R3HCC1: variants seen among roughly 807,000 people sequenced by gnomAD.
The protein encoded by R3HCC1 is R3H and coiled-coil domain-containing protein 1.
A neutral mutation model predicts 40.0 loss-of-function variants in R3HCC1; 32 were observed. The ratio of observed to expected loss-of-function variants is 0.80; its 90% CI spans 0.60 to 1.07. R3HCC1 has a LOEUF of 1.07. Ranked by LOEUF, R3HCC1 falls within the 50% of genes least tolerant of loss-of-function variation. R3HCC1 has a pLI of 0.00. For missense variants in R3HCC1, 586 were observed against 563.3 expected, an observed-to-expected ratio of 1.04 and a Z score of -0.41; for synonymous variants, 237 against 232.8, an observed-to-expected ratio of 1.02 and a Z score of -0.17.
At chr8:23,294,572 C>T (rs373106434) in intron 6 of R3HCC1, among the ~76,000 whole-genome samples, 197 bp from the exon 7 acceptor site, 5 of 152,160 alleles carry the variant, frequency 3.3e-5, no homozygotes, top group African/African-American at 4.8e-5. Flanking sequence ...GCAGGTGTCC[C>T]TGTGCGGGCC....
At chr8:23,292,476 T>A (rs936128485) in intron 5 of R3HCC1, among the ~76,000 whole-genome samples, 2 of 151,986 alleles carry the variant, frequency 1.3e-5, no homozygotes, top group Non-Finnish European at 2.9e-5. Flanking sequence ...TAGCTGGGCG[T>A]GGTGGCAGGC....
chr8:23,293,165 C>G (rs565896006), intron 5 of R3HCC1, 138 bp from the exon 6 acceptor site: 16 of 627,258 alleles, frequency 2.6e-5, no homozygotes, highest in African/African-American at 9.3e-5. Flanking sequence ...ATGATTGTCT[C>G]CGTCCCAGAA....
chr8:23,290,494 AG>A, intron 4 of R3HCC1, 25 bp downstream of exon 4: 1 of 1,530,954 alleles, frequency 6.5e-7, no homozygotes, highest in East Asian at 2.4e-5. Flanking sequence ...GAGCCCGAAA[AG>A]GGAGGGCGGA....
Position 23,290,015 on chromosome 8 carries a change from C to CTG in R3HCC1, c.399_400dup (p.Asp134ValfsTer19). The CTG allele has an allele frequency of 6.5e-7, 1 of 1,539,652 alleles. No homozygotes were observed. ...GGCCGGTGGTATCGTGGACGCAAGCCTGACCAGCCTTTGTATGTGCCCCGG... is the reference window on the plus strand; with the variant it reads ...GGCCGGTGGTATCGTGGACGCAAGCCTGTGACCAGCCTTTGTATGTGCCCCGG... On this transcript the variant is annotated frameshift_variant, in exon 4 of 8. Coordinates refer to ENST00000265806, the MANE Select transcript of R3HCC1 (RefSeq NM_001136108.3). LOFTEE classifies it high-confidence loss of function.
chr8:23,290,535 G>A (rs756492789), intron 4 of R3HCC1, 66 bp downstream of exon 4: 150 of 1,482,312 alleles, frequency 1.0e-4, no homozygotes, highest in Non-Finnish European at 1.3e-4. Context: ...TGGGTGGATG[G>A]GGACCAAGGG....
At position 23,294,775 on chromosome 8, in the gene R3HCC1, A is replaced by G; in HGVS notation, c.1103A>G (p.Glu368Gly). Reference sequence around the variant, plus strand: ...GCCTGCTTTCTTTCCACAGCTGCGGAAGCCCTGACCCGGGAGTTCTCGGTG... The same window carrying G: ...GCCTGCTTTCTTTCCACAGCTGCGGGAGCCCTGACCCGGGAGTTCTCGGTG... Residue 368 changes from glutamate (E) to glycine (G), a missense_variant, in exon 7 of 8, where the codon GAA becomes GGA. Physicochemically the swap from Glu to Gly is moderately conservative, Grantham distance 98 (BLOSUM62 -2). Coordinates refer to ENST00000265806, the MANE Select transcript of R3HCC1 (RefSeq NM_001136108.3). The G allele has an allele frequency of 3.2e-6, 5 of 1,550,724 alleles. No individual in the cohort carries two copies. The highest frequency in any genetic ancestry group is 4.4e-6 in the Non-Finnish European group (5 of 1,146,778).
At chr8:23,293,887 GCA>G (rs1802929306) in intron 6 of R3HCC1, among the ~76,000 whole-genome samples, 1 of 152,146 alleles carries the variant, frequency 6.6e-6, no homozygotes, top group Non-Finnish European at 1.5e-5. Flanking sequence ...ACAGCTCGGG[GCA>G]CCACACTGCC....
At chr8:23,288,893 G>A in intron 2 of R3HCC1, 123 bp from the exon 3 acceptor site, 1 of 1,160,248 alleles carries the variant, frequency 8.6e-7, no homozygotes, top group South Asian at 1.5e-5. Context: ...ATCCTTTGCA[G>A]TCCATCTGGG....
chr8:23,295,946 A>G (rs1397574422), intron 7 of R3HCC1, 21 bp from the exon 8 acceptor site: 3 of 1,543,072 alleles, frequency 1.9e-6, no homozygotes, highest in African/African-American at 2.8e-5. Flanking sequence ...TTAGGTCCCC[A>G]CTGTGGGGCT....
rs189694680 is a variant in R3HCC1, at chr8:23,290,407, G to A, written c.790G>A (p.Glu264Lys). The stretch of plus-strand genomic sequence containing the variant: ...GGCAGAGGAGGAAGAGGACGAAGAG[G>A]AGGTGGAAGAGGATGGCCCCAGCAG... Residue 264 changes from glutamate (E) to lysine (K), a missense_variant, in exon 4 of 8, where the codon GAG becomes AAG. Physicochemically the swap from Glu to Lys is moderately conservative, Grantham distance 56. Transcript: ENST00000265806. 5.2e-6 allele frequency: 8 copies of A among 1,551,760 alleles called. No individual in the cohort carries two copies. In the African/African-American group the frequency reaches 1.1e-4, roughly 21 times the overall value.
chr8:23,294,944 T>C, intron 7 of R3HCC1, 80 bp downstream of exon 7: 1 of 1,061,838 alleles, frequency 9.4e-7, no homozygotes, highest in African/African-American at 1.6e-5. Context: ...TGCGTGTGTG[T>C]GTGTCTGGTT....
chr8:23,290,954 C>A, intron 4 of R3HCC1: 1 of 210,820 alleles, frequency 4.7e-6, no homozygotes, highest in Non-Finnish European at 9.6e-6. Flanking sequence ...AGAATGCAGA[C>A]CACAGACCTG....
chr8:23,290,754 C>T (rs1802850318), intron 4 of R3HCC1, among the ~76,000 whole-genome samples: 1 of 152,188 alleles, frequency 6.6e-6, no homozygotes, highest in Non-Finnish European at 1.5e-5. Flanking sequence ...ACAGCCTTCA[C>T]TAGGTCATGG....
intron 5 of R3HCC1, among the ~76,000 whole-genome samples, chr8:23,292,382 A>C (rs1426027430): frequency 6.6e-6 from 1 of 152,148 alleles, no homozygotes; most frequent in Non-Finnish European, 1.5e-5. Context: ...AGGAGGGCGG[A>C]TCATGAGGTC....
intron 7 of R3HCC1, chr8:23,295,424 C>T (rs577374674): frequency 4.4e-5 from 20 of 456,336 alleles, no homozygotes; most frequent in Middle Eastern, 3.3e-4. Context: ...ACCAGATAAC[C>T]GTTATAGCGC....
At position 23,288,651 on chromosome 8, in the gene R3HCC1, G is replaced by C; in HGVS notation, c.110+18G>C. ...CTGTCAAAGTAGGCTCATGTGAGGGGCGAGGGTGCCGCCTTGCTGGGAAGG... is the reference window on the plus strand; with the variant it reads ...CTGTCAAAGTAGGCTCATGTGAGGGCCGAGGGTGCCGCCTTGCTGGGAAGG... On this transcript the variant is annotated intron_variant, in intron 2 of 7. Transcript: ENST00000265806. The C allele has an allele frequency of 6.5e-7, 1 of 1,534,640 alleles. No homozygotes were observed. The highest frequency in any genetic ancestry group is 2.0e-5 in the Admixed American group (1 of 50,986).
chr8:23,294,043 G>A (rs540307363), intron 6 of R3HCC1, among the ~76,000 whole-genome samples: 41 of 152,296 alleles, frequency 2.7e-4, no homozygotes, highest in African/African-American at 9.6e-4. Context: ...CTGAAAACCC[G>A]AGCTGGGGCC....
At chr8:23,293,241 A>T in intron 5 of R3HCC1, 62 bp from the exon 6 acceptor site, 1 of 1,381,796 alleles carries the variant, frequency 7.2e-7, no homozygotes, top group Non-Finnish European at 1.0e-6. Context: ...TGGCTGCGGG[A>T]TTCGAAGAGG....
chr8:23,290,246 C>G lies in R3HCC1; in HGVS notation c.629C>G (p.Pro210Arg), dbSNP rs1409516827. 1 of 1,551,690 alleles carries G rather than the reference C, an allele frequency of 6.4e-7. No homozygotes were observed. Among genetic ancestry groups the G allele is most frequent in the Non-Finnish European group, 8.7e-7 (1 of 1,146,946 alleles). ...TGTGAGAATGAGCCACTGCTGGACC[C>G]TGTTGGCCCTGAGCCTCTGGGGCCT... The change falls in exon 4 of 8, where the codon CCT becomes CGT. Residue 210 changes from proline to arginine, a missense_variant. Coordinates refer to ENST00000265806, the MANE Select transcript of R3HCC1 (RefSeq NM_001136108.3).
Sources: gnomAD v4.1 joint callset for allele counts (sites outside exome capture counted in the v4.1 genomes callset) on GRCh38, gnomAD v4.1.1 for gene constraint, MANE v1.5 for transcripts, NCBI Gene and HGNC (gene_info 2026-07-23, HGNC 2026-07-21) for gene names.